The following SMC5 variants were observed in gnomAD, a reference collection of about 807,000 sequenced individuals.
The protein encoded by SMC5 is structural maintenance of chromosomes 5.
SMC5 carries 88 observed loss-of-function variants against 148.3 expected under a neutral mutation model. The observed-to-expected ratio is 0.59, with a 90% confidence interval of 0.50 to 0.71. SMC5 has a LOEUF of 0.71. SMC5 is among the 30% of genes least tolerant of loss of function. The pLI is 0.00. For missense variants in SMC5, 1,142 were observed against 1,298.9 expected, an observed-to-expected ratio of 0.88 and a Z score of 1.86; for synonymous variants, 421 against 432.8, an observed-to-expected ratio of 0.97 and a Z score of 0.34.
At chr9:70,326,661 C>T (rs1001639567) in intron 17 of SMC5, among the ~76,000 whole-genome samples, 1 of 143,134 alleles carries the variant, frequency 7.0e-6, no homozygotes, top group African/African-American at 2.6e-5. Context: ...TTAAAAGCTA[C>T]ACTCATCTAA....
intron 3 of SMC5, among the ~76,000 whole-genome samples, chr9:70,270,706 G>C (rs949994303): frequency 6.9e-6 from 1 of 145,768 alleles, no homozygotes; most frequent in African/African-American, 2.6e-5. Flanking sequence ...GGGTGCAGTG[G>C]TGCAATCTCG....
chr9:70,296,104 A>G (rs1469422163), intron 8 of SMC5, among the ~76,000 whole-genome samples: 7 of 152,212 alleles, frequency 4.6e-5, no homozygotes, highest in African/African-American at 9.6e-5. Flanking sequence ...ATTTTTAGAA[A>G]GGAAAAATCA....
At position 70,278,585 on chromosome 9, in the gene SMC5, G is replaced by A; in HGVS notation, c.638G>A (p.Cys213Tyr). 6.2e-7 allele frequency: 1 copy of A among 1,610,930 alleles called. No homozygotes were observed. Among genetic ancestry groups the A allele is most frequent in the South Asian group, 1.1e-5 (1 of 90,496 alleles). ...IGPPEMHKYH[C>Y]ELKNLREKEK... ...CCCCCAGAAATGCACAAATATCACTGTGAACTCAAAAACTTAAGGGAGAAA... is the reference window on the plus strand; with the variant it reads ...CCCCCAGAAATGCACAAATATCACTATGAACTCAAAAACTTAAGGGAGAAA... The change falls in exon 5 of 25, where the codon TGT becomes TAT. Residue 213 changes from cysteine (C) to tyrosine (Y), a missense_variant. Cys to Tyr is a radical substitution (Grantham distance 194). Transcript: ENST00000361138.
intron 15 of SMC5, among the ~76,000 whole-genome samples, chr9:70,322,630 G>GT (rs1476499239): frequency 6.6e-6 from 1 of 152,214 alleles, no homozygotes; most frequent in East Asian, 1.9e-4. Flanking sequence ...GAGGTCAGGA[G>GT]TTTGAGACCA....
intron 22 of SMC5, among the ~76,000 whole-genome samples, chr9:70,349,716 A>G (rs1262160071): frequency 6.6e-6 from 1 of 152,152 alleles, no homozygotes; most frequent in African/African-American, 2.4e-5. Flanking sequence ...ATTATGTTCT[A>G]ATTGCTTTCA....
At chr9:70,302,264 TGA>T (rs2035378774) in intron 10 of SMC5, among the ~76,000 whole-genome samples, 1 of 152,048 alleles carries the variant, frequency 6.6e-6, no homozygotes, top group African/African-American at 2.4e-5. Context: ...TTTGAGAGAC[TGA>T]GGGGGTGGAA....
intron 12 of SMC5, 138 bp downstream of exon 12, chr9:70,314,974 G>A: frequency 3.8e-6 from 2 of 519,758 alleles, no homozygotes; most frequent in Non-Finnish European, 6.8e-6. Context: ...TTAGGCACAG[G>A]ACCATGATAT....
At chr9:70,305,485 ACT>A (rs1337901291) in intron 11 of SMC5, 125 bp downstream of exon 11, 9 of 591,164 alleles carry the variant, frequency 1.5e-5, no homozygotes, top group East Asian at 1.5e-4. Context: ...ATGCAAAATC[ACT>A]CTGTTTTGCT....
intron 10 of SMC5, among the ~76,000 whole-genome samples, chr9:70,302,456 A>G (rs949274329): frequency 2.0e-5 from 3 of 151,678 alleles, no homozygotes; most frequent in Admixed American, 2.0e-4. Context: ...TCACACTGCT[A>G]CAATCCAGCC....
Position 70,266,655 on chromosome 9 carries a change from T to G in SMC5, c.328-1268T>G, listed in dbSNP as rs910268256. ...TTTCCTAGATGACAGATTGCAGCCC[T>G]TTGGGTACACAGATGTATTTATGGG... is the stretch of plus-strand genomic sequence containing the variant. On this transcript the variant is annotated intron_variant, in intron 2 of 24. Coordinates refer to ENST00000361138, the MANE Select transcript of SMC5 (RefSeq NM_015110.4). Among the ~76,000 whole-genome samples the G allele has an allele frequency of 3.9e-5, 6 of 152,186 alleles. No individual in the cohort carries two copies. In the South Asian group the frequency reaches 1.2e-3, roughly 31 times the overall value.
chr9:70,354,470 C>G lies in SMC5; in HGVS notation c.*2139C>G, dbSNP rs1390209519. The G allele has an allele frequency of 2.4e-4, 37 of 152,164 alleles. 1 individual carries two copies. Among genetic ancestry groups the G allele is most frequent in the Admixed American group, 2.4e-3 (36 of 15,266 alleles). The allele number at this position is 152,164 out of a possible 1,614,324, so 9.4% of individuals were successfully genotyped here. ...TCGAACTCCTGACCTTGTGATCCACCCGCCTCGGCCTCCCAAAGTGCTGGG... is the reference window on the plus strand; with the variant it reads ...TCGAACTCCTGACCTTGTGATCCACGCGCCTCGGCCTCCCAAAGTGCTGGG... On this transcript the variant is annotated 3_prime_UTR_variant, in exon 25 of 25. Transcript: ENST00000361138.
intron 17 of SMC5, among the ~76,000 whole-genome samples, chr9:70,328,363 A>G (rs2036137308): frequency 6.6e-6 from 1 of 152,226 alleles, no homozygotes; most frequent in South Asian, 2.1e-4. Flanking sequence ...CTTCCAAGAT[A>G]TAGTGGGGGC....
intron 18 of SMC5, among the ~76,000 whole-genome samples, chr9:70,346,091 AAAGTGATAGGGAAGGTGGGTGAAAT>A (rs1322193788): frequency 6.6e-6 from 1 of 152,168 alleles, no homozygotes; most frequent in Non-Finnish European, 1.5e-5. Context: ...AGGGTTGCTT[AAAGTGATAGGGAAGGTGGGTGAAAT>A]CCAGATTCTG....
chr9:70,296,370 T>C (rs2035200961), intron 8 of SMC5, among the ~76,000 whole-genome samples: 1 of 152,098 alleles, frequency 6.6e-6, no homozygotes, highest in Non-Finnish European at 1.5e-5. Flanking sequence ...GAGACCAGCC[T>C]GGCCAACATG....
intron 4 of SMC5, 141 bp from the exon 5 acceptor site, chr9:70,278,350 A>ACCCCTGT (rs2034652041): frequency 2.7e-6 from 2 of 744,924 alleles, no homozygotes; most frequent in Non-Finnish European, 4.2e-6. Context: ...ATTATTCTAA[A>ACCCCTGT]GAATAATGCA....
intron 8 of SMC5, among the ~76,000 whole-genome samples, chr9:70,287,980 A>G (rs1160337773): frequency 1.3e-5 from 2 of 152,060 alleles, no homozygotes; most frequent in Non-Finnish European, 2.9e-5. Context: ...TAAACTTTCC[A>G]TTTAGTGATC....
At chr9:70,319,482 T>C (rs1358446867) in intron 15 of SMC5, among the ~76,000 whole-genome samples, 1 of 152,202 alleles carries the variant, frequency 6.6e-6, no homozygotes, top group Non-Finnish European at 1.5e-5. Flanking sequence ...TACTTAATTC[T>C]GTATATTGAG....
chr9:70,285,686 A>G (rs1268900818), intron 7 of SMC5, among the ~76,000 whole-genome samples: 10 of 152,184 alleles, frequency 6.6e-5, no homozygotes, highest in Non-Finnish European at 1.3e-4. Context: ...GTTTTCTACT[A>G]TGTTTGAATT....
intron 11 of SMC5, among the ~76,000 whole-genome samples, chr9:70,306,036 G>A (rs1362280277): frequency 6.6e-6 from 1 of 152,128 alleles, no homozygotes; most frequent in Non-Finnish European, 1.5e-5. Context: ...GGTACTTATA[G>A]CAGTACTTAT....
Sources: allele counts gnomAD v4.1 joint callset (sites outside exome capture counted in the v4.1 genomes callset), GRCh38; gene constraint gnomAD v4.1.1; transcripts MANE v1.5; gene names NCBI Gene and HGNC (gene_info 2026-07-23, HGNC 2026-07-21).